DENND2A: variants seen among roughly 807,000 people sequenced by gnomAD.
DENND2A encodes the protein DENN domain containing 2A, also known as DENN domain-containing protein 2A.
In DENND2A, 53 loss-of-function variants were observed where a neutral mutation model predicts 105.3. The ratio of observed to expected loss-of-function variants is 0.50; its 90% confidence interval spans 0.40 to 0.63. The LOEUF (loss-of-function observed/expected upper bound fraction) is 0.63. Ranked by LOEUF, DENND2A falls within the 30% of genes least tolerant of loss-of-function variation. The probability of loss-of-function intolerance (pLI) is 0.00; values close to 1 mark genes in which losing one functional copy is unlikely to be tolerated. For missense variants in DENND2A, 1,138 were observed against 1,279.6 expected, an observed-to-expected ratio of 0.89 and a Z score of 1.69; for synonymous variants, 522 against 508.4, an observed-to-expected ratio of 1.03 and a Z score of -0.36.
chr7:140,593,379 AG>A (rs1799142954), intron 3 of DENND2A, among the ~76,000 whole-genome samples: 1 of 152,196 alleles, frequency 6.6e-6, no homozygotes, highest in Admixed American at 6.5e-5. Context: ...TGAGTTTCAG[AG>A]ATGCTAGAAT....
intron 12 of DENND2A, among the ~76,000 whole-genome samples, chr7:140,549,186 A>C (rs1237905248): frequency 6.6e-6 from 1 of 151,710 alleles, no homozygotes; most frequent in Non-Finnish European, 1.5e-5. Context: ...AGATCGCGCC[A>C]TTGCACTCCA....
At chr7:140,535,817 G>A (rs1796435304) in intron 14 of DENND2A, among the ~76,000 whole-genome samples, 1 of 151,944 alleles carries the variant, frequency 6.6e-6, no homozygotes, top group Admixed American at 6.6e-5. Context: ...CCTGACTTCA[G>A]ATGATCCACC....
intron 1 of DENND2A, among the ~76,000 whole-genome samples, chr7:140,634,213 C>T (rs1264367013): frequency 3.3e-5 from 5 of 151,660 alleles, no homozygotes; most frequent in African/African-American, 1.2e-4. Context: ...TTAGCCAGGA[C>T]CGTCTTGATC....
chr7:140,557,518 TATATATATA>T (rs1797413158), intron 11 of DENND2A, among the ~76,000 whole-genome samples: 1 of 24,998 alleles, frequency 4.0e-5, no homozygotes, highest in Non-Finnish European at 1.1e-4. Flanking sequence ...AGTATATATA[TATATATATA>T]TATATTTTTT....
intron 11 of DENND2A, among the ~76,000 whole-genome samples, chr7:140,557,531 A>ATATATATATATATATATATATTTATTT (rs1554467351): frequency 2.5e-5 from 1 of 39,660 alleles, no homozygotes; most frequent in Non-Finnish European, 5.1e-5. Flanking sequence ...ATATATATAT[A>ATATATATATATATATATATATTTATTT]TTTTTTTTTT....
At chr7:140,638,757 T>C (rs1344837773) in intron 1 of DENND2A, among the ~76,000 whole-genome samples, 1 of 152,228 alleles carries the variant, frequency 6.6e-6, no homozygotes, top group Admixed American at 6.5e-5. Context: ...TTCCCTGCTG[T>C]TTCCTTGGTG....
At chr7:140,625,314 C>T (rs547317250) in intron 1 of DENND2A, among the ~76,000 whole-genome samples, 64 of 151,258 alleles carry the variant, frequency 4.2e-4, no homozygotes, top group African/African-American at 1.4e-3. Context: ...GACACAGAGG[C>T]TGCAGTGAGC....
intron 3 of DENND2A, 81 bp from the exon 4 acceptor site, chr7:140,587,861 C>T (rs1175487216): frequency 3.8e-6 from 5 of 1,328,864 alleles, no homozygotes; most frequent in Non-Finnish European, 3.9e-6. Context: ...AATATATCCC[C>T]TCGGCCAAAT....
At chr7:140,541,776 G>A (rs17161629) in intron 14 of DENND2A, among the ~76,000 whole-genome samples, 4,994 of 152,240 alleles carry the variant, frequency 0.033, 252 homozygotes, top group African/African-American at 0.11. Flanking sequence ...CCGGGAGTAC[G>A]ATCACGCTGA....
At chr7:140,590,932 A>G (rs1005939903) in intron 3 of DENND2A, among the ~76,000 whole-genome samples, 2 of 150,336 alleles carry the variant, frequency 1.3e-5, no homozygotes, top group African/African-American at 5.0e-5. Flanking sequence ...GATTTCTGAC[A>G]CATAAAAGGT....
chr7:140,638,975 T>A (rs559903145), intron 1 of DENND2A, among the ~76,000 whole-genome samples: 85 of 152,282 alleles, frequency 5.6e-4, no homozygotes, highest in African/African-American at 2.0e-3. Context: ...GCCACTGATG[T>A]CTAGCACGCA....
rs759515264 is a variant in DENND2A at position 140,567,257 on chromosome 7, C to T, written c.1608G>A (p.Leu536=). 2 of 1,606,384 alleles carry T rather than the reference C, an allele frequency of 1.2e-6. No homozygotes were observed. The highest frequency in any genetic ancestry group is 1.7e-6 in the Non-Finnish European group (2 of 1,177,142). Residue 536 remains leucine, a synonymous_variant, in exon 9 of 20, where the codon CTG becomes CTA. Transcript: ENST00000496613. ...GCTTCAGCCGGGACTTCACGTTGAC[C>T]AGGCGCTGGCTGTGAGCTGGGTGAG... ...EEKLKAHSQR[L]VNVKSRLKQA... is the part of the protein sequence containing the mutation.
chr7:140,568,933 T>A, intron 7 of DENND2A, 120 bp from the exon 8 acceptor site: 1 of 894,850 alleles, frequency 1.1e-6, no homozygotes, highest in Non-Finnish European at 1.7e-6. Context: ...AGTTGCCTCT[T>A]TTTTTTTTTG....
In DENND2A at chr7:140,573,844, G is replaced by A; in HGVS notation, c.1410C>T (p.Asp470=). ...TTCTCTTCTTCCTGCCGTTCTGTGG[G>A]TCTCCAAGGTTAAAGAAAATGTCAT... is the stretch of plus-strand genomic sequence containing the variant. ...SPDDIFFNLG[D]PQNGRKKRKI... Residue 470 remains aspartate (D), a synonymous_variant, in exon 6 of 20, where the codon GAC becomes GAT. Coordinates refer to ENST00000496613, the MANE Select transcript of DENND2A (RefSeq NM_015689.5). 1 of 1,614,046 alleles carries A rather than the reference G, an allele frequency of 6.2e-7. No homozygotes were observed. Among genetic ancestry groups the A allele is most frequent in the Non-Finnish European group, 8.5e-7 (1 of 1,179,974 alleles).
intron 1 of DENND2A, among the ~76,000 whole-genome samples, chr7:140,614,025 GCTCA>G (rs1265344882): frequency 6.6e-6 from 1 of 151,894 alleles, no homozygotes; most frequent in East Asian, 1.9e-4. Flanking sequence ...TTCCCCTCCT[GCTCA>G]CTGTTTCCCT....
At chr7:140,551,299 CAAAAAAAAAAAA>C (rs529992901) in intron 12 of DENND2A, among the ~76,000 whole-genome samples, 1 of 71,728 alleles carries the variant, frequency 1.4e-5, no homozygotes, top group African/African-American at 5.2e-5. Flanking sequence ...GACTCCATCT[CAAAAAAAAAAAA>C]AAAAAAAAAA....
At chr7:140,569,085 T>G (rs1321541788) in intron 7 of DENND2A, among the ~76,000 whole-genome samples, 2 of 152,240 alleles carry the variant, frequency 1.3e-5, no homozygotes, top group South Asian at 4.2e-4. Context: ...CCACCATGCC[T>G]GGCTAATTTT....
chr7:140,582,722 G>A (rs932104487), intron 5 of DENND2A, among the ~76,000 whole-genome samples: 1 of 152,136 alleles, frequency 6.6e-6, no homozygotes, highest in Middle Eastern at 3.2e-3. Flanking sequence ...AGCCCCACCT[G>A]CCAGCGATGC....
At position 140,601,849 on chromosome 7, in the gene DENND2A, C is replaced by T; in HGVS notation, c.549G>A (p.Gly183=). 6.2e-7 allele frequency: 1 copy of T among 1,614,148 alleles called. No homozygotes were observed. Among genetic ancestry groups the T allele is most frequent in the Non-Finnish European group, 8.5e-7 (1 of 1,180,020 alleles). Residue 183 remains glycine (G), a synonymous_variant, in exon 3 of 20, where the codon GGG becomes GGA. Transcript: ENST00000496613. ...GSAGLDPQLP[G]TCYSPHCPPD... is the part of the protein sequence containing the mutation. Reference sequence around the variant, plus strand: ...GAGGGCAGTGTGGGGAGTAACAAGTCCCTGGTAACTGGGGATCCAGCCCTG... The same window carrying T: ...GAGGGCAGTGTGGGGAGTAACAAGTTCCTGGTAACTGGGGATCCAGCCCTG...
Sources: allele counts gnomAD v4.1 joint callset (sites outside exome capture counted in the v4.1 genomes callset), GRCh38; gene constraint gnomAD v4.1.1; transcripts MANE v1.5; gene names NCBI Gene and HGNC (gene_info 2026-07-23, HGNC 2026-07-21).